Variants in KCNAB1 observed in about 807,000 individuals in gnomAD.
KCNAB1 encodes potassium voltage-gated channel subfamily A regulatory beta subunit 1, also known as voltage-gated potassium channel subunit beta-1.
A neutral mutation model predicts 64.6 loss-of-function variants in KCNAB1; 35 were observed. That is an observed-to-expected ratio of 0.54 (90% CI 0.41 to 0.72). The LOEUF (loss-of-function observed/expected upper bound fraction) is 0.72, where lower values mean the gene tolerates loss of function less well. KCNAB1 is among the 30% of genes least tolerant of loss of function. KCNAB1 has a pLI of 0.00. For synonymous variants in KCNAB1, 177 were observed against 183.8 expected, an observed-to-expected ratio of 0.96 and a Z score of 0.30; for missense variants, 401 against 512.9, an observed-to-expected ratio of 0.78 and a Z score of 2.11.
At chr3:156,293,582 A>T (rs903997709) in intron 1 of KCNAB1, among the ~76,000 whole-genome samples, 2 of 152,238 alleles carry the variant, frequency 1.3e-5, no homozygotes, top group African/African-American at 4.8e-5. Flanking sequence ...TAAGAAAAAA[A>T]GTCCTTGGGT....
In KCNAB1 at chr3:156,271,496, G is replaced by T. The variant is rs1035213603; in HGVS notation, c.276-150120G>T. Among the ~76,000 whole-genome samples the T allele has an allele frequency of 6.6e-5, 10 of 152,004 alleles. No homozygotes were observed. The South Asian group carries it at 1.2e-3, about 19-fold the overall frequency. Reference sequence around the variant, plus strand: ...GAGACTCTAATGCATTCTTCAGTATGTTAACTGCATTTTTCAACTCTAGAA... The same window carrying T: ...GAGACTCTAATGCATTCTTCAGTATTTTAACTGCATTTTTCAACTCTAGAA... On this transcript the variant is annotated intron_variant, in intron 1 of 13. Transcript: ENST00000490337.
intron 8 of KCNAB1, among the ~76,000 whole-genome samples, chr3:156,494,706 G>A (rs1296031638): frequency 6.6e-6 from 1 of 152,166 alleles, no homozygotes; most frequent in Non-Finnish European, 1.5e-5. Flanking sequence ...GCAGCCATCT[G>A]TATGAAGTAA....
At chr3:156,199,673 A>T (rs1469607634) in intron 1 of KCNAB1, among the ~76,000 whole-genome samples, 1 of 152,148 alleles carries the variant, frequency 6.6e-6, no homozygotes, top group Non-Finnish European at 1.5e-5. Flanking sequence ...CCATCAGGTC[A>T]TTTATGTTCT....
intron 1 of KCNAB1, among the ~76,000 whole-genome samples, chr3:156,152,833 G>A (rs142744972): frequency 6.6e-6 from 1 of 152,218 alleles, no homozygotes; most frequent in East Asian, 1.9e-4. Context: ...TACTTCCAGA[G>A]ATGACCATTG....
At chr3:156,200,127 G>C (rs1377538114) in intron 1 of KCNAB1, among the ~76,000 whole-genome samples, 1 of 152,188 alleles carries the variant, frequency 6.6e-6, no homozygotes, top group Non-Finnish European at 1.5e-5. Context: ...TCCAGACCCT[G>C]TTTGCCTGGG....
At chr3:156,133,502 A>G (rs1714118047) in intron 1 of KCNAB1, among the ~76,000 whole-genome samples, 1 of 152,238 alleles carries the variant, frequency 6.6e-6, no homozygotes, top group Non-Finnish European at 1.5e-5. Context: ...AATAGTTTCT[A>G]ACAATCAAAC....
intron 1 of KCNAB1, among the ~76,000 whole-genome samples, chr3:156,139,584 GTTT>G (rs386398329): frequency 3.6e-3 from 200 of 55,256 alleles, no homozygotes; most frequent in South Asian, 0.02. Flanking sequence ...ATTGTACTGT[GTTT>G]TTTTTTTTTT....
intron 1 of KCNAB1, among the ~76,000 whole-genome samples, chr3:156,289,957 T>C (rs1346879866): frequency 6.6e-6 from 1 of 152,078 alleles, no homozygotes; most frequent in African/African-American, 2.4e-5. Flanking sequence ...ATTCAACCCA[T>C]TTTTCATGTA....
chr3:156,202,998 A>G (rs1270379431), intron 1 of KCNAB1, among the ~76,000 whole-genome samples: 1 of 151,910 alleles, frequency 6.6e-6, no homozygotes, highest in East Asian at 1.9e-4. Flanking sequence ...AATTTTTTAA[A>G]GTTTTTAGAT....
chr3:156,415,374 T>A (rs1432187580), intron 1 of KCNAB1, among the ~76,000 whole-genome samples: 1 of 152,190 alleles, frequency 6.6e-6, no homozygotes, highest in Non-Finnish European at 1.5e-5. Flanking sequence ...CATTTATGAA[T>A]GAGGAAAGAG....
chr3:156,204,277 T>C (rs1050468007), intron 1 of KCNAB1, among the ~76,000 whole-genome samples: 2 of 152,240 alleles, frequency 1.3e-5, no homozygotes, highest in South Asian at 2.1e-4. Context: ...TTTGCCCTCC[T>C]ACTCATCGCT....
At chr3:156,269,913 CTTT>C (rs34741042) in intron 1 of KCNAB1, among the ~76,000 whole-genome samples, 30 of 114,464 alleles carry the variant, frequency 2.6e-4, no homozygotes, top group South Asian at 6.1e-4. Flanking sequence ...CCGGGGCTTG[CTTT>C]TTTTTTTTTT....
rs1282395417 is a variant in KCNAB1 at position 156,452,651 on chromosome 3, T to C, written c.320-248T>C. Among the ~76,000 whole-genome samples, 1 of 152,130 alleles carries C rather than the reference T, an allele frequency of 6.6e-6. No individual in the cohort carries two copies. Among genetic ancestry groups the C allele is most frequent in the Admixed American group, 6.5e-5 (1 of 15,270 alleles). ...CTAGGACAGGGCTTCCAATAGTATG[T>C]ACAGTGGCTTTCAGTAAAGAAACAG... On this transcript the variant is annotated intron_variant, in intron 2 of 13. Coordinates refer to ENST00000490337, the MANE Select transcript of KCNAB1 (RefSeq NM_172160.3). This position sits in a 1 kb window ranked among gnomAD's most constrained non-coding sequence, Gnocchi z 4.6.
intron 1 of KCNAB1, among the ~76,000 whole-genome samples, chr3:156,283,973 G>A (rs1428640053): frequency 6.6e-6 from 1 of 151,938 alleles, no homozygotes; most frequent in African/African-American, 2.4e-5. Flanking sequence ...GCTCGTCAAA[G>A]TCATTCTCCA....
chr3:156,190,694 G>A (rs76852713), intron 1 of KCNAB1, among the ~76,000 whole-genome samples: 39 of 152,168 alleles, frequency 2.6e-4, no homozygotes, highest in African/African-American at 9.4e-4. Flanking sequence ...GCACTTTTAA[G>A]ATTTGTTTTT....
chr3:156,191,729 A>G (rs185921096), intron 1 of KCNAB1, among the ~76,000 whole-genome samples: 2 of 152,294 alleles, frequency 1.3e-5, no homozygotes, highest in Admixed American at 1.3e-4. Flanking sequence ...CTAAATGAAG[A>G]GCTGCCAGCT....
At chr3:156,297,558 TAG>T (rs976116739) in intron 1 of KCNAB1, among the ~76,000 whole-genome samples, 9 of 152,080 alleles carry the variant, frequency 5.9e-5, no homozygotes, top group African/African-American at 1.4e-4. Flanking sequence ...TACTTTCCTA[TAG>T]AGAGTCAGGA....
chr3:156,180,743 T>C (rs1432841112), intron 1 of KCNAB1, among the ~76,000 whole-genome samples: 1 of 152,174 alleles, frequency 6.6e-6, no homozygotes, highest in Non-Finnish European at 1.5e-5. Context: ...GATTCATGCC[T>C]CACCCAGGAG....
At chr3:156,383,916 C>T (rs1392543876) in intron 1 of KCNAB1, among the ~76,000 whole-genome samples, 2 of 152,136 alleles carry the variant, frequency 1.3e-5, no homozygotes, top group African/African-American at 2.4e-5. Context: ...GGCAGGGATG[C>T]TACAGTCTGT....
Sources: gnomAD v4.1 joint callset for allele counts (sites outside exome capture counted in the v4.1 genomes callset) on GRCh38, gnomAD v4.1.1 for gene constraint, Gnocchi (gnomAD v3.1) non-coding constraint, MANE v1.5 for transcripts, NCBI Gene and HGNC (gene_info 2026-07-23, HGNC 2026-07-21) for gene names.